LARGE1: variants seen among roughly 807,000 people sequenced by gnomAD.
LARGE1 encodes LARGE xylosyl- and glucuronyltransferase 1, also known as xylosyl- and glucuronyltransferase LARGE1.
A neutral mutation model predicts 87.6 loss-of-function variants in LARGE1; 43 were observed. The ratio of observed to expected loss-of-function variants is 0.49; its 90% CI spans 0.38 to 0.63. The LOEUF (loss-of-function observed/expected upper bound fraction) is 0.63. Ranked by LOEUF, LARGE1 falls within the 30% of genes least tolerant of loss-of-function variation. The pLI, the probability that LARGE1 is intolerant of heterozygous loss-of-function variation, is 0.00. For synonymous variants in LARGE1, 434 were observed against 394.6 expected, an observed-to-expected ratio of 1.10 and a Z score of -1.18; for missense variants, 802 against 1,000.2, an observed-to-expected ratio of 0.80 and a Z score of 2.67.
At chr22:33,074,289 G>T in the LARGE1 span, among the ~76,000 whole-genome samples, 1 of 152,200 alleles carries the variant, frequency 6.6e-6, no homozygotes, top group African/African-American at 2.4e-5. Context: ...TTGCAATAAA[G>T]TACCTTTGAT....
chr22:33,696,599 T>C (rs888600986), intron 2 of LARGE1, among the ~76,000 whole-genome samples: 2 of 152,106 alleles, frequency 1.3e-5, no homozygotes, highest in African/African-American at 4.8e-5. Context: ...GGATGAACCA[T>C]TTATATTCCC....
chr22:33,402,068 C>T (rs1391134999), intron 7 of LARGE1, among the ~76,000 whole-genome samples: 1 of 152,164 alleles, frequency 6.6e-6, no homozygotes, highest in Non-Finnish European at 1.5e-5. Context: ...TTCAGTGAGT[C>T]CTTGTAACAG....
chr22:33,338,600 T>C (rs1420310051), intron 9 of LARGE1, among the ~76,000 whole-genome samples: 1 of 152,210 alleles, frequency 6.6e-6, no homozygotes, highest in Non-Finnish European at 1.5e-5. Context: ...GCTAGGACGT[T>C]GAATGATACA....
intron 1 of LARGE1, among the ~76,000 whole-genome samples, chr22:33,798,301 A>G (rs908528737): frequency 3.9e-5 from 6 of 152,030 alleles, no homozygotes; most frequent in African/African-American, 1.4e-4. Flanking sequence ...TCAATCAATC[A>G]ATCAATCAAT....
the LARGE1 span, among the ~76,000 whole-genome samples, chr22:33,141,194 T>TCTCACACA: frequency 1.4e-5 from 2 of 141,820 alleles, no homozygotes; most frequent in African/African-American, 5.4e-5. Context: ...TCTCTCTCTC[T>TCTCACACA]CACACACACA....
At chr22:33,443,043 C>A (rs974315926) in intron 6 of LARGE1, among the ~76,000 whole-genome samples, 3 of 152,160 alleles carry the variant, frequency 2.0e-5, no homozygotes, top group African/African-American at 7.2e-5. Context: ...CCGCCCTCCT[C>A]GGCCTCCCAA....
intron 3 of LARGE1, among the ~76,000 whole-genome samples, chr22:33,637,469 TC>T (rs1218023277): frequency 6.6e-6 from 1 of 152,050 alleles, no homozygotes; most frequent in African/African-American, 2.4e-5. Context: ...AAAGATCCCT[TC>T]CCCCTGGTTT....
At chr22:33,190,758 T>C (rs5994693) in intron 11 of LARGE1, among the ~76,000 whole-genome samples, 4,823 of 152,276 alleles carry the variant, frequency 0.032, 267 homozygotes, top group African/African-American at 0.11. Flanking sequence ...AAACCAGGGA[T>C]TCCTAGACTC....
At chr22:33,564,780 C>A in intron 6 of LARGE1, 68 bp downstream of exon 6, 1 of 1,551,760 alleles carries the variant, frequency 6.4e-7, no homozygotes, top group Non-Finnish European at 8.9e-7. Flanking sequence ...TTAAAAAAGT[C>A]AACCCCTATT....
At chr22:33,496,368 C>T (rs570937214) in intron 6 of LARGE1, among the ~76,000 whole-genome samples, 1 of 152,130 alleles carries the variant, frequency 6.6e-6, no homozygotes, top group Non-Finnish European at 1.5e-5. Context: ...CAATCTTAAC[C>T]ATCACGGTGA....
chr22:33,655,985 CTT>C (rs897433371), intron 2 of LARGE1, among the ~76,000 whole-genome samples: 6 of 152,006 alleles, frequency 3.9e-5, no homozygotes, highest in African/African-American at 1.4e-4. Flanking sequence ...TAATAAATAA[CTT>C]AGGCAAAATA....
chr22:33,767,032 G>A (rs2084930168), intron 1 of LARGE1, among the ~76,000 whole-genome samples: 1 of 147,950 alleles, frequency 6.8e-6, no homozygotes, highest in African/African-American at 2.5e-5. Flanking sequence ...TTTAAAAATT[G>A]GCCAGGCACA....
intron 6 of LARGE1, among the ~76,000 whole-genome samples, chr22:33,492,915 C>A (rs2069919048): frequency 6.6e-6 from 1 of 152,090 alleles, no homozygotes; most frequent in Non-Finnish European, 1.5e-5. Context: ...GGCGGGTGGG[C>A]AATGCGCACC....
At chr22:33,408,828 A>C (rs970219171) in intron 7 of LARGE1, among the ~76,000 whole-genome samples, 1 of 152,006 alleles carries the variant, frequency 6.6e-6, no homozygotes, top group Non-Finnish European at 1.5e-5. Flanking sequence ...CATTAAATAG[A>C]CTTCGAAAAG....
intron 1 of LARGE1, among the ~76,000 whole-genome samples, chr22:33,905,632 TA>T (rs1213925892): frequency 3.3e-5 from 5 of 152,224 alleles, no homozygotes; most frequent in Non-Finnish European, 7.3e-5. Flanking sequence ...GAAAGGGGCT[TA>T]AATGCCCTGT....
downstream of LARGE1, among the ~76,000 whole-genome samples, chr22:33,267,825 A>T (rs1285764135): frequency 2.6e-5 from 4 of 151,646 alleles, no homozygotes; most frequent in Admixed American, 2.6e-4. Context: ...GTTGATCTTA[A>T]CATTCATGGG....
rs1935891071 is a variant in LARGE1, at chr22:33,314,083, A to G, written c.1451+2002T>C. Among the ~76,000 whole-genome samples the G allele has an allele frequency of 3.3e-5, 5 of 152,242 alleles. No individual in the cohort carries two copies. The South Asian group carries it at 1.0e-3, about 32-fold the overall frequency. On this transcript the variant is annotated intron_variant, in intron 11 of 14. Transcript: ENST00000397394. ...TTGCCGAGTGATCATGTGGATGTGG[A>G]GATGAGAAAACTGTGGGCCCAAGAA...
At chr22:33,293,136 C>A (rs1233156264) in intron 12 of LARGE1, among the ~76,000 whole-genome samples, 3 of 152,156 alleles carry the variant, frequency 2.0e-5, no homozygotes, top group African/African-American at 4.8e-5. Context: ...CAGGAGTTAG[C>A]CAGTCAGGAA....
At position 33,504,176 on chromosome 22, in the gene LARGE1, G is replaced by A. The variant is rs80211732; in HGVS notation, c.787+60672C>T. Among the ~76,000 whole-genome samples, 1,045 of 152,296 alleles carry A rather than the reference G, an allele frequency of 6.9e-3. 12 individuals are homozygous for A. The highest frequency in any genetic ancestry group is 0.024 in the African/African-American group (991 of 41,560). ...ATGCAGGATTTCTTTAGGGAGAGTTGAAAACTTTAAAGTTGGATTGTGGTG... is the reference window on the plus strand; with the variant it reads ...ATGCAGGATTTCTTTAGGGAGAGTTAAAAACTTTAAAGTTGGATTGTGGTG... On this transcript the variant is annotated intron_variant, in intron 6 of 14. Transcript: ENST00000397394.
Sources: allele counts gnomAD v4.1 joint callset (sites outside exome capture counted in the v4.1 genomes callset), GRCh38; gene constraint gnomAD v4.1.1; transcripts MANE v1.5; gene names NCBI Gene and HGNC (gene_info 2026-07-23, HGNC 2026-07-21).